The following TTC28 variants were observed in gnomAD, a reference collection of about 807,000 sequenced individuals.
TTC28 encodes the protein tetratricopeptide repeat domain 28.
TTC28 carries 61 observed loss-of-function variants against 198.0 expected under a neutral mutation model. The ratio of observed to expected loss-of-function variants is 0.31; its 90% CI spans 0.25 to 0.38. The LOEUF (loss-of-function observed/expected upper bound fraction) is 0.38, where lower values mean the gene tolerates loss of function less well. Ranked by LOEUF, TTC28 falls within the 10% of genes least tolerant of loss-of-function variation. The pLI is 1.00. For synonymous variants in TTC28, 1,171 were observed against 1,297.8 expected (o/e 0.90, Z 2.10); for missense variants, 2,678 against 3,164.0 (o/e 0.85, Z 3.69).
At chr22:28,573,713 TTC>T (rs2050098990) in intron 2 of TTC28, among the ~76,000 whole-genome samples, 1 of 152,130 alleles carries the variant, frequency 6.6e-6, no homozygotes, top group African/African-American at 2.4e-5. Context: ...TCTAATTATA[TTC>T]TTTTAGTTAC....
chr22:28,538,333 C>T (rs1361076484), intron 2 of TTC28, among the ~76,000 whole-genome samples: 8 of 152,124 alleles, frequency 5.3e-5, no homozygotes, highest in East Asian at 1.9e-4. Context: ...AGTGGTCCTA[C>T]CATCTCGGCC....
chr22:28,212,002 T>C (rs1223856463), intron 5 of TTC28, among the ~76,000 whole-genome samples: 1 of 152,170 alleles, frequency 6.6e-6, no homozygotes, highest in Non-Finnish European at 1.5e-5. Context: ...ATATGGAAAC[T>C]GAACAACGTG....
At chr22:28,343,388 G>GGT (rs2045862006) in intron 2 of TTC28, among the ~76,000 whole-genome samples, 1 of 152,064 alleles carries the variant, frequency 6.6e-6, no homozygotes, top group African/African-American at 2.4e-5. Context: ...AAATTAGCCA[G>GGT]GTGTGGTGGC....
chr22:28,629,210 C>CGTTT (rs1387741427), intron 2 of TTC28, among the ~76,000 whole-genome samples: 1 of 151,862 alleles, frequency 6.6e-6, no homozygotes, highest in East Asian at 1.9e-4. Flanking sequence ...AGGAAAGAAA[C>CGTTT]ATCATCATAC....
chr22:28,578,598 G>C lies in TTC28; in HGVS notation c.381+50954C>G, dbSNP rs566195485. Among the ~76,000 whole-genome samples the C allele has an allele frequency of 2.9e-3, 438 of 152,158 alleles. 2 individuals carry two copies. Among genetic ancestry groups the C allele is most frequent in the African/African-American group, 9.8e-3 (407 of 41,494 alleles). On this transcript the variant is annotated intron_variant, in intron 2 of 22. Transcript: ENST00000397906. ...CTTTATAAGAACCAAAAATCAGATG[G>C]GCAGTCCAGTATCTGGTTTTAACAT...
chr22:28,304,728 A>T (rs1257241229), intron 3 of TTC28, among the ~76,000 whole-genome samples: 1 of 152,170 alleles, frequency 6.6e-6, no homozygotes, highest in Non-Finnish European at 1.5e-5. Context: ...ATCTCAACAC[A>T]TTCACTCCAA....
Position 28,105,584 on chromosome 22 carries a change from C to T in TTC28, c.3002G>A (p.Cys1001Tyr). 1 of 1,551,820 alleles carries T rather than the reference C, an allele frequency of 6.4e-7. No individual in the cohort carries two copies. Among genetic ancestry groups the T allele is most frequent in the Non-Finnish European group, 8.7e-7 (1 of 1,147,028 alleles). ...KDRALESDAA[C>Y]GLGGVYQQMG... ...CTGCTGGTAAACGCCCCCCAGGCCA[C>T]AGGCTGCGTCACTCTCCAGGGCTCG... Residue 1001 changes from cysteine (C) to tyrosine (Y), a missense_variant, in exon 8 of 23, where the codon TGT becomes TAT. Physicochemically the swap from Cys to Tyr is radical, Grantham distance 194. Transcript: ENST00000397906.
chr22:28,536,347 G>A (rs1238488742), intron 2 of TTC28, among the ~76,000 whole-genome samples: 2 of 151,520 alleles, frequency 1.3e-5, no homozygotes, highest in African/African-American at 2.4e-5. Context: ...AGAGGCGGCC[G>A]GGCGCGGTGG....
At chr22:28,347,344 C>T (rs1057365889) in intron 2 of TTC28, among the ~76,000 whole-genome samples, 5 of 151,870 alleles carry the variant, frequency 3.3e-5, no homozygotes, top group African/African-American at 4.8e-5. Context: ...TCAACATATG[C>T]TCCTTCAGTT....
At position 27,998,862 on chromosome 22, in the gene TTC28, C is replaced by G. The variant is rs1418151682; in HGVS notation, c.4797G>C (p.Pro1599=). The G allele has an allele frequency of 1.9e-6, 3 of 1,549,982 alleles. No homozygotes were observed. The highest frequency in any genetic ancestry group is 2.7e-5 in the African/African-American group (2 of 73,072). Reference sequence around the variant, plus strand: ...CAGTAAGCAGCAGCTCCTGCAGGGGCGGGCAGTCCGAGATGCTCTCCCCAT... The same window carrying G: ...CAGTAAGCAGCAGCTCCTGCAGGGGGGGGCAGTCCGAGATGCTCTCCCCAT... ...ASDGESISDC[P]PLQELLLTAA... Residue 1599 remains proline (P), a synonymous_variant, in exon 16 of 23, where the codon CCG becomes CCC. Transcript: ENST00000397906.
At chr22:28,255,421 A>C (rs1930828807) in intron 5 of TTC28, among the ~76,000 whole-genome samples, 1 of 152,110 alleles carries the variant, frequency 6.6e-6, no homozygotes, top group African/African-American at 2.4e-5. Context: ...AGTGGCTCAC[A>C]CCTGTAATCC....
intron 14 of TTC28, among the ~76,000 whole-genome samples, chr22:28,010,726 C>T (rs549824650): frequency 7.2e-5 from 11 of 152,308 alleles, no homozygotes; most frequent in African/African-American, 2.4e-4. Context: ...CAAAGCTCCT[C>T]GGGAACAGGC....
intron 2 of TTC28, among the ~76,000 whole-genome samples, chr22:28,441,225 T>C (rs1008989113): frequency 6.6e-6 from 1 of 152,168 alleles, no homozygotes; most frequent in Admixed American, 6.5e-5. Context: ...TTACTGCATA[T>C]TGGGTAAAAT....
At chr22:28,009,936 G>C (rs1938078618) in intron 14 of TTC28, among the ~76,000 whole-genome samples, 1 of 152,210 alleles carries the variant, frequency 6.6e-6, no homozygotes, top group Non-Finnish European at 1.5e-5. Context: ...TTGCTCTGAT[G>C]ATTTACTTTA....
intron 2 of TTC28, among the ~76,000 whole-genome samples, chr22:28,450,076 T>C (rs553425322): frequency 4.6e-5 from 7 of 152,204 alleles, no homozygotes; most frequent in Admixed American, 4.6e-4. Context: ...GGAGATATGA[T>C]TACAGTTAAG....
chr22:28,464,976 A>G (rs1228684643), intron 2 of TTC28, among the ~76,000 whole-genome samples: 1 of 152,194 alleles, frequency 6.6e-6, no homozygotes, highest in African/African-American at 2.4e-5. Flanking sequence ...ACTTCACACC[A>G]GATGCTTTCC....
chr22:28,348,223 T>C (rs1173913921), intron 2 of TTC28, among the ~76,000 whole-genome samples: 1 of 152,172 alleles, frequency 6.6e-6, no homozygotes, highest in Admixed American at 6.5e-5. Flanking sequence ...CTCACAGATG[T>C]GGTCTAAAAA....
At chr22:28,468,298 G>A (rs1002808990) in intron 2 of TTC28, among the ~76,000 whole-genome samples, 6 of 152,030 alleles carry the variant, frequency 3.9e-5, no homozygotes, top group Non-Finnish European at 8.8e-5. Flanking sequence ...AGTTCACAAT[G>A]CAACTAGAAG....
At chr22:28,157,743 G>A (rs574028905) in intron 6 of TTC28, among the ~76,000 whole-genome samples, 4 of 152,116 alleles carry the variant, frequency 2.6e-5, no homozygotes, top group South Asian at 2.1e-4. Flanking sequence ...TCAAAAAAAC[G>A]GGATATAGAA....
Sources: gnomAD v4.1 joint callset for allele counts (sites outside exome capture counted in the v4.1 genomes callset) on GRCh38, gnomAD v4.1.1 for gene constraint, MANE v1.5 for transcripts, NCBI Gene and HGNC (gene_info 2026-07-23, HGNC 2026-07-21) for gene names.